The following TACC2 variants were observed in gnomAD, a reference collection of about 807,000 sequenced individuals.
TACC2 encodes transforming acidic coiled-coil-containing protein 2.
Under a neutral mutation model 227.3 loss-of-function variants are expected in TACC2, and 137 were observed. That is an observed-to-expected ratio of 0.60 (90% CI 0.52 to 0.69). The LOEUF (loss-of-function observed/expected upper bound fraction) is 0.69, where lower values mean the gene tolerates loss of function less well. Ranked by LOEUF, TACC2 falls within the 30% of genes least tolerant of loss-of-function variation. The pLI is 0.00. For missense variants in TACC2, 3,470 were observed against 3,694.4 expected (o/e 0.94, Z 1.57); for synonymous variants, 1,523 against 1,487.5 (o/e 1.02, Z -0.55).
rs749844633 is a variant in TACC2, at chr10:122,229,384, C to T, written c.7935C>T (p.Leu2645=). 6.2e-7 allele frequency: 1 copy of T among 1,614,070 alleles called. No individual in the cohort carries two copies. Among genetic ancestry groups the T allele is most frequent in the Admixed American group, 1.7e-5 (1 of 60,020 alleles). ...GCTCCTTTGCCTCTGCTGACGCCCT[C>T]CTCAGCAGGCTAGCTCACCCCGTCT... ...PEGSFASADA[L]LSRLAHPVSL... is the part of the protein sequence containing the mutation. The change falls in exon 15 of 23, where the codon CTC becomes CTT. Residue 2645 remains leucine (L), a synonymous_variant. Transcript: ENST00000369005.
intron 2 of TACC2, among the ~76,000 whole-genome samples, chr10:122,049,728 TG>T (rs917587524): frequency 8.5e-5 from 13 of 152,114 alleles, no homozygotes; most frequent in African/African-American, 2.7e-4. Context: ...AATGAGGTTC[TG>T]TTTTTTTTTT....
intron 5 of TACC2, among the ~76,000 whole-genome samples, chr10:122,127,748 C>G (rs1403439733): frequency 2.6e-5 from 4 of 152,194 alleles, no homozygotes; most frequent in African/African-American, 9.7e-5. Context: ...TTAGCTCTCT[C>G]CCATCCTTAG....
intron 6 of TACC2, 106 bp downstream of exon 6, chr10:122,132,840 C>A: frequency 2.5e-6 from 3 of 1,195,776 alleles, no homozygotes; most frequent in Non-Finnish European, 3.6e-6. Flanking sequence ...TTTTCTCCTG[C>A]AGTTTCACCC....
At chr10:122,238,900 C>T (rs1428437506) in intron 18 of TACC2, among the ~76,000 whole-genome samples, 9 of 152,206 alleles carry the variant, frequency 5.9e-5, no homozygotes, top group African/African-American at 1.9e-4. Context: ...TAGGATGTTT[C>T]CTGACTGTAG....
At chr10:122,217,231 AT>A (rs1343268106) in intron 11 of TACC2, among the ~76,000 whole-genome samples, 1 of 151,942 alleles carries the variant, frequency 6.6e-6, no homozygotes, top group East Asian at 1.9e-4. Flanking sequence ...TGCCACCGTT[AT>A]TCCTAGGCCC....
At chr10:122,111,076 C>T (rs780256900) in intron 5 of TACC2, among the ~76,000 whole-genome samples, 7 of 152,224 alleles carry the variant, frequency 4.6e-5, no homozygotes, top group Non-Finnish European at 8.8e-5. Flanking sequence ...TGACTCTCTT[C>T]TTCCTCCTCC....
intron 5 of TACC2, among the ~76,000 whole-genome samples, chr10:122,096,321 G>GC (rs1162947841): frequency 6.6e-6 from 1 of 152,156 alleles, no homozygotes; most frequent in African/African-American, 2.4e-5. Context: ...GCCCTGGATG[G>GC]CCCCATGAAC....
chr10:122,107,880 A>ATTTTTTTTTTTTTTTTTTT (rs1412735022), intron 5 of TACC2, among the ~76,000 whole-genome samples: 1 of 102,296 alleles, frequency 9.8e-6, no homozygotes, highest in Non-Finnish European at 1.8e-5. Context: ...ATATATATAT[A>ATTTTTTTTTTTTTTTTTTT]TTTTTTTTTT....
rs548127694 is a variant in TACC2, at chr10:122,200,115, G to A, written c.5971+4939G>A. ...ACAGGCACTCGGGCCCTCTTGGGCC[G>A]GCTGCTCCCTCTTCACAATGTGAGT... On this transcript the variant is annotated intron_variant, in intron 8 of 22. Transcript: ENST00000369005. Among the ~76,000 whole-genome samples, 109 of 152,328 alleles carry A rather than the reference G, an allele frequency of 7.2e-4. No individual in the cohort carries two copies. The South Asian group carries it at 0.017, about 24-fold the overall frequency.
At chr10:122,021,207 C>T (rs1377513198) in intron 1 of TACC2, among the ~76,000 whole-genome samples, 7 of 145,286 alleles carry the variant, frequency 4.8e-5, no homozygotes, top group Non-Finnish European at 3.0e-5. Flanking sequence ...CTAGCCTGGG[C>T]GACAGAGTGA....
intron 1 of TACC2, among the ~76,000 whole-genome samples, chr10:122,014,227 A>ATT (rs397731091): frequency 6.9e-5 from 10 of 145,188 alleles, no homozygotes; most frequent in Non-Finnish European, 1.1e-4. Context: ...GACCTGTGTA[A>ATT]TTTTTTTTTT....
chr10:122,223,030 C>T (rs1234536572), intron 11 of TACC2, among the ~76,000 whole-genome samples: 1 of 150,022 alleles, frequency 6.7e-6, no homozygotes, highest in Non-Finnish European at 1.5e-5. Context: ...CTGTCTCCTT[C>T]CTCCTCCTCT....
intron 6 of TACC2, among the ~76,000 whole-genome samples, chr10:122,139,832 C>T (rs1048180556): frequency 1.6e-4 from 24 of 152,304 alleles, no homozygotes; most frequent in African/African-American, 5.8e-4. Context: ...TGTGTTTGGC[C>T]TGCACCTTGG....
chr10:122,219,413 C>T (rs1447741234), intron 11 of TACC2, among the ~76,000 whole-genome samples: 2 of 152,174 alleles, frequency 1.3e-5, no homozygotes, highest in Non-Finnish European at 2.9e-5. Context: ...TTGTATGTTT[C>T]CTGAAGGCAA....
At chr10:122,244,374 A>G (rs1218724396) in intron 19 of TACC2, among the ~76,000 whole-genome samples, 1 of 152,002 alleles carries the variant, frequency 6.6e-6, no homozygotes, top group African/African-American at 2.4e-5. Flanking sequence ...CCCCATCCTC[A>G]TTCACCCATT....
At chr10:122,070,120 A>G (rs1387451840) in intron 3 of TACC2, among the ~76,000 whole-genome samples, 3 of 152,148 alleles carry the variant, frequency 2.0e-5, no homozygotes, top group African/African-American at 7.2e-5. Flanking sequence ...GAAACCCTTC[A>G]TCACATTTTT....
chr10:122,005,412 G>T (rs1169440566), intron 1 of TACC2, among the ~76,000 whole-genome samples: 4 of 127,216 alleles, frequency 3.1e-5, no homozygotes, highest in African/African-American at 1.2e-4. Flanking sequence ...ACAGAGTCTT[G>T]CTCTGTCGCC....
rs2091896542 is a variant in TACC2 at position 122,150,232 on chromosome 10, C to T, written c.5834+6526C>T. Among the ~76,000 whole-genome samples the T allele has an allele frequency of 6.6e-6, 1 of 152,212 alleles. No individual in the cohort carries two copies. Among genetic ancestry groups the T allele is most frequent in the Non-Finnish European group, 1.5e-5 (1 of 68,044 alleles). ...TTGTGACGCCATCTGGGCGGCAGTC[C>T]CACGGCCCCTAGAGCAGCTGGGAAG... On this transcript the variant is annotated intron_variant, in intron 7 of 22. Transcript: ENST00000369005. The surrounding 1 kb of genome is among the most constrained non-coding windows in gnomAD (Gnocchi z 4.0).
chr10:121,997,561 G>T (rs200621246), intron 1 of TACC2, among the ~76,000 whole-genome samples: 1 of 152,164 alleles, frequency 6.6e-6, no homozygotes, highest in Non-Finnish European at 1.5e-5. Flanking sequence ...CAGACAGGAG[G>T]GAGATGGGAC....
Sources: gnomAD v4.1 joint callset for allele counts (sites outside exome capture counted in the v4.1 genomes callset) on GRCh38, gnomAD v4.1.1 for gene constraint, Gnocchi (gnomAD v3.1) non-coding constraint, MANE v1.5 for transcripts, NCBI Gene and HGNC (gene_info 2026-07-23, HGNC 2026-07-21) for gene names.